The following IL16 variants were observed in gnomAD, a reference collection of about 807,000 sequenced individuals.
The protein encoded by IL16 is pro-interleukin-16.
A neutral mutation model predicts 110.1 loss-of-function variants in IL16; 67 were observed. The ratio of observed to expected loss-of-function variants is 0.61; its 90% CI spans 0.50 to 0.75. The LOEUF is 0.75. Among genes scored for constraint, IL16 ranks in the 30% least tolerant of loss-of-function variants. IL16 has a pLI of 0.00. For synonymous variants in IL16, 689 were observed against 662.9 expected (o/e 1.04, Z -0.61); for missense variants, 1,545 against 1,655.0 (o/e 0.93, Z 1.15).
chr15:81,278,017 A>G (rs1218561889), intron 6 of IL16, among the ~76,000 whole-genome samples: 1 of 151,738 alleles, frequency 6.6e-6, no homozygotes, highest in African/African-American at 2.4e-5. Context: ...CTTGCAGTCA[A>G]AAGATCCAAG....
intron 16 of IL16, 67 bp from the exon 17 acceptor site, chr15:81,305,841 C>T: frequency 6.4e-7 from 1 of 1,568,220 alleles, no homozygotes; most frequent in Non-Finnish European, 8.7e-7. Context: ...CGGTTCAATC[C>T]TCCTCCAGCA....
At chr15:81,190,483 G>C (rs1027881156) in intron 1 of IL16, among the ~76,000 whole-genome samples, 6 of 152,162 alleles carry the variant, frequency 3.9e-5, no homozygotes, top group Non-Finnish European at 8.8e-5. Flanking sequence ...TAACATCCTG[G>C]CTCTGTACTT....
At position 81,299,388 on chromosome 15, in the gene IL16, A is replaced by G; in HGVS notation, c.2062A>G (p.Thr688Ala). 1 of 1,612,820 alleles carries G rather than the reference A, an allele frequency of 6.2e-7. No individual in the cohort carries two copies. Among genetic ancestry groups the G allele is most frequent in the East Asian group, 2.2e-5 (1 of 44,882 alleles). Residue 688 changes from threonine to alanine, a missense_variant, in exon 14 of 19, where the codon ACA becomes GCA. By Grantham distance (58) the Thr-to-Ala change is moderately conservative. Transcript: ENST00000683961. Reference protein sequence around the residue: ...GWRRASPVTQTSPIKHPLLKR... With the variant: ...GWRRASPVTQASPIKHPLLKR... ...TTGTTTCTGCACTGTAGTGACCCAA[A>G]CATCCCCGATAAAACACCCACTGCT...
intron 1 of IL16, among the ~76,000 whole-genome samples, chr15:81,213,051 T>C (rs545366841): frequency 6.6e-6 from 1 of 152,332 alleles, no homozygotes; most frequent in South Asian, 2.1e-4. Context: ...AACACTACTT[T>C]AGCTGCATCC....
Position 81,303,446 on chromosome 15 carries a change from A to G in IL16, c.3319-103A>G, listed in dbSNP as rs1457956450. 1 of 774,996 alleles carries G rather than the reference A, an allele frequency of 1.3e-6. No homozygotes were observed. The highest frequency in any genetic ancestry group is 2.2e-6 in the Non-Finnish European group (1 of 452,420). The allele number at this position is 774,996 out of a possible 1,614,324, so 48.0% of individuals were successfully genotyped here. ...AGGTGATGTAACTTGGAGGCTGGCC[A>G]AGCTGGGGTTTGAGATAACAAATCA... is the stretch of plus-strand genomic sequence containing the variant. On this transcript the variant is annotated intron_variant, in intron 15 of 18. Transcript: ENST00000683961. The surrounding 1 kb of genome is among the most constrained non-coding windows in gnomAD (Gnocchi z 4.1).
chr15:81,301,482 G>T lies in IL16; in HGVS notation c.3288G>T (p.Glu1096Asp). Reference sequence around the variant, plus strand: ...AAGAATTAAAAAAACTCATCGAGGAGGTGAAGGTTCTGGATGAAGCAACAT... The same window carrying T: ...AAGAATTAAAAAAACTCATCGAGGATGTGAAGGTTCTGGATGAAGCAACAT... ...SSEELKKLIEEVKVLDEATLK... is the reference protein window; with the variant it reads ...SSEELKKLIEDVKVLDEATLK... The change falls in exon 15 of 19, where the codon GAG becomes GAT. Residue 1096 changes from glutamate to aspartate, a missense_variant. Physicochemically the swap from Glu to Asp is conservative, Grantham distance 45. Transcript: ENST00000683961. The T allele has an allele frequency of 6.2e-7, 1 of 1,613,968 alleles. No homozygotes were observed. Among genetic ancestry groups the T allele is most frequent in the Non-Finnish European group, 8.5e-7 (1 of 1,179,964 alleles).
In IL16 at chr15:81,309,941, T is replaced by G. The variant is rs1488179119; in HGVS notation, c.*1143T>G. On this transcript the variant is annotated 3_prime_UTR_variant, in exon 19 of 19. Transcript: ENST00000683961. The stretch of plus-strand genomic sequence containing the variant: ...TGATGCGGCAGATTGAGTTTTCTTC[T>G]GTGATTCGGTGGAGACTATCAGCCC... 1 of 152,270 alleles carries G rather than the reference T, an allele frequency of 6.6e-6. No homozygotes were observed. The highest frequency in any genetic ancestry group is 1.5e-5 in the Non-Finnish European group (1 of 68,056). 9.4% of individuals were successfully genotyped at this position (152,270 alleles called of 1,614,324 possible). A position where few individuals can be genotyped will look rare whatever the true frequency, so the allele number is the denominator to read the frequency against.
intron 1 of IL16, among the ~76,000 whole-genome samples, chr15:81,185,197 C>A (rs1895401081): frequency 6.6e-6 from 1 of 152,092 alleles, no homozygotes; most frequent in Admixed American, 6.6e-5. Flanking sequence ...TGCCATATGT[C>A]TTTGATAGTT....
intron 2 of IL16, among the ~76,000 whole-genome samples, chr15:81,242,371 G>A (rs1400325893): frequency 6.6e-6 from 1 of 152,034 alleles, no homozygotes; most frequent in African/African-American, 2.4e-5. Context: ...CTATGAATAT[G>A]GTATGTCTCT....
At chr15:81,217,435 G>T (rs1309367564) in intron 1 of IL16, among the ~76,000 whole-genome samples, 3 of 152,050 alleles carry the variant, frequency 2.0e-5, no homozygotes, top group African/African-American at 7.2e-5. Flanking sequence ...TACCTAAAGG[G>T]GATGCCAGGA....
At chr15:81,231,377 T>TCTCC (rs1567008792) in intron 2 of IL16, among the ~76,000 whole-genome samples, 9 of 144,308 alleles carry the variant, frequency 6.2e-5, no homozygotes, top group Admixed American at 3.4e-4. Flanking sequence ...TCTCTCTCTC[T>TCTCC]CTCTCCCTCT....
intron 8 of IL16, 79 bp from the exon 9 acceptor site, chr15:81,282,560 C>A (rs1032181196): frequency 5.0e-6 from 5 of 1,009,640 alleles, no homozygotes; most frequent in South Asian, 3.8e-5. Context: ...GGGGCCATGT[C>A]TGTGGCACCC....
At chr15:81,275,366 G>C (rs1178528336) in intron 6 of IL16, among the ~76,000 whole-genome samples, 4 of 55,480 alleles carry the variant, frequency 7.2e-5, no homozygotes, top group East Asian at 1.0e-3. Flanking sequence ...AGGAGGGGGG[G>C]GAGGGGAGGG....
chr15:81,278,926 G>C (rs1899038657), intron 7 of IL16, 36 bp downstream of exon 7: 1 of 1,421,572 alleles, frequency 7.0e-7, no homozygotes, highest in South Asian at 1.1e-5. Flanking sequence ...CCAAACTCTG[G>C]GGCCTTCAGG....
Position 81,199,028 on chromosome 15 carries a change from AAAATAT to A in IL16, c.-102+1878_-102+1883del, listed in dbSNP as rs1432041936. On this transcript the variant is annotated intron_variant, in intron 1 of 18. Transcript: ENST00000683961. ...GAGGGAGACTCCATCTCAAAAAAAA[AAAATAT>A]ATATATATATATATATATATATATA... Among the ~76,000 whole-genome samples the A allele has an allele frequency of 1.1e-3, 107 of 93,698 alleles. 1 individual carries two copies. The highest frequency in any genetic ancestry group is 1.6e-3 in the Non-Finnish European group (81 of 51,108). 61.5% of individuals were successfully genotyped at this position (93,698 alleles called of 152,430 possible).
intron 1 of IL16, among the ~76,000 whole-genome samples, chr15:81,219,945 A>G (rs1273589683): frequency 6.6e-6 from 1 of 152,206 alleles, no homozygotes; most frequent in African/African-American, 2.4e-5. Context: ...GACTATGTCT[A>G]TCTCTCCTCT....
chr15:81,198,066 C>T (rs1238890941), intron 1 of IL16, among the ~76,000 whole-genome samples: 1 of 152,138 alleles, frequency 6.6e-6, no homozygotes, highest in Non-Finnish European at 1.5e-5. Flanking sequence ...AAGTGATGGT[C>T]AACATTTACG....
At chr15:81,274,690 AAAGTGGTTTTCT>A (rs1898815637) in intron 6 of IL16, among the ~76,000 whole-genome samples, 1 of 152,238 alleles carries the variant, frequency 6.6e-6, no homozygotes, top group Non-Finnish European at 1.5e-5. Flanking sequence ...AGAAAGGGAG[AAAGTGGTTTTCT>A]GTTCACATAG....
intron 13 of IL16, among the ~76,000 whole-genome samples, chr15:81,297,952 A>T (rs927464804): frequency 6.6e-6 from 1 of 152,184 alleles, no homozygotes; most frequent in African/African-American, 2.4e-5. Flanking sequence ...ACATTTTGGA[A>T]AGATCTAGCA....
Sources: allele counts gnomAD v4.1 joint callset (sites outside exome capture counted in the v4.1 genomes callset), GRCh38; gene constraint gnomAD v4.1.1; non-coding constraint Gnocchi (gnomAD v3.1); transcripts MANE v1.5; gene names NCBI Gene and HGNC (gene_info 2026-07-23, HGNC 2026-07-21).